The following XRCC5 variants were observed in gnomAD, a reference collection of about 807,000 sequenced individuals.
The protein encoded by XRCC5 is DNA repair protein Ku80.
A neutral mutation model predicts 95.7 loss-of-function variants in XRCC5; 12 were observed. That is an observed-to-expected ratio of 0.13 (90% CI 0.08 to 0.20). The LOEUF is 0.20. Ranked by LOEUF, XRCC5 falls within the 10% of genes least tolerant of loss-of-function variation. XRCC5 has a pLI of 1.00. For missense variants in XRCC5, 595 were observed against 873.9 expected, an observed-to-expected ratio of 0.68 and a Z score of 4.02; for synonymous variants, 281 against 290.3, an observed-to-expected ratio of 0.97 and a Z score of 0.33.
chr2:216,120,671 G>A (rs985789170), intron 5 of XRCC5, among the ~76,000 whole-genome samples: 4 of 151,994 alleles, frequency 2.6e-5, no homozygotes, highest in Admixed American at 6.6e-5. Context: ...ACCTCCTACC[G>A]GAGCCTTCTG....
intron 6 of XRCC5, among the ~76,000 whole-genome samples, chr2:216,123,144 CAA>C (rs1696840285): frequency 6.6e-6 from 1 of 152,162 alleles, no homozygotes; most frequent in African/African-American, 2.4e-5. Flanking sequence ...AGTCTGTACA[CAA>C]AATACTGGCT....
intron 16 of XRCC5, among the ~76,000 whole-genome samples, chr2:216,173,761 A>C (rs577187720): frequency 6.6e-6 from 1 of 152,188 alleles, no homozygotes; most frequent in Non-Finnish European, 1.5e-5. Context: ...GGTTAGTTAT[A>C]AAAAGGATGA....
intron 14 of XRCC5, among the ~76,000 whole-genome samples, chr2:216,155,033 C>T (rs918552439): frequency 1.3e-5 from 2 of 151,416 alleles, no homozygotes; most frequent in African/African-American, 2.4e-5. Flanking sequence ...ATATAAAAGC[C>T]TGGGCAACAT....
At chr2:216,191,718 A>AT (rs1412274741) in intron 17 of XRCC5, among the ~76,000 whole-genome samples, 1 of 152,134 alleles carries the variant, frequency 6.6e-6, no homozygotes, top group Non-Finnish European at 1.5e-5. Flanking sequence ...GCCAAGGGAT[A>AT]TTTTTTGAAC....
At chr2:216,153,741 A>G (rs991316777) in intron 14 of XRCC5, among the ~76,000 whole-genome samples, 2 of 152,226 alleles carry the variant, frequency 1.3e-5, no homozygotes, top group Non-Finnish European at 2.9e-5. Context: ...CTGACTCCAG[A>G]GCTTGTACTT....
At chr2:216,154,964 T>TA (rs964591009) in intron 14 of XRCC5, among the ~76,000 whole-genome samples, 5 of 151,338 alleles carry the variant, frequency 3.3e-5, no homozygotes, top group Non-Finnish European at 4.4e-5. Context: ...ATGAACTTAT[T>TA]AAAAAAAACC....
chr2:216,141,775 A>G (rs955564448), intron 13 of XRCC5, among the ~76,000 whole-genome samples: 1 of 151,962 alleles, frequency 6.6e-6, no homozygotes, highest in Admixed American at 6.6e-5. Context: ...AGTCTTGGCC[A>G]CGTGCGGTGG....
chr2:216,172,948 A>G (rs1489233446), intron 16 of XRCC5, among the ~76,000 whole-genome samples: 1 of 152,182 alleles, frequency 6.6e-6, no homozygotes, highest in Non-Finnish European at 1.5e-5. Flanking sequence ...TTAGTGTACA[A>G]GCTATACAGC....
At chr2:216,154,824 A>G (rs1264424572) in intron 14 of XRCC5, among the ~76,000 whole-genome samples, 3 of 152,200 alleles carry the variant, frequency 2.0e-5, no homozygotes, top group Non-Finnish European at 2.9e-5. Flanking sequence ...ATGGCCTCCC[A>G]TTATCCCCAG....
At chr2:216,193,599 A>G (rs1689659545) in intron 18 of XRCC5, among the ~76,000 whole-genome samples, 1 of 152,184 alleles carries the variant, frequency 6.6e-6, no homozygotes, top group African/African-American at 2.4e-5. Flanking sequence ...AACAAAAGGA[A>G]TTGGAATGGG....
intron 2 of XRCC5, 122 bp from the exon 3 acceptor site, chr2:216,116,537 A>G (rs1696700710): frequency 2.9e-6 from 3 of 1,043,066 alleles, no homozygotes; most frequent in Non-Finnish European, 4.4e-6. Context: ...CCCGCCCAAT[A>G]CTATATGGCC....
At chr2:216,136,487 A>G (rs1473385641) in intron 10 of XRCC5, among the ~76,000 whole-genome samples, 1 of 152,164 alleles carries the variant, frequency 6.6e-6, no homozygotes, top group Non-Finnish European at 1.5e-5. Flanking sequence ...AGAATTTACA[A>G]ATTGGTGGAG....
At chr2:216,137,003 G>A in intron 10 of XRCC5, 85 bp from the exon 11 acceptor site, 1 of 1,448,070 alleles carries the variant, frequency 6.9e-7, no homozygotes, top group Non-Finnish European at 9.2e-7. Flanking sequence ...TAGAAAGAAA[G>A]TGATAACAGT....
chr2:216,148,403 T>G, intron 14 of XRCC5, 127 bp downstream of exon 14: 2 of 789,138 alleles, frequency 2.5e-6, no homozygotes, highest in South Asian at 2.1e-5. Flanking sequence ...AGCCTTTTGC[T>G]ATTTGGCCCT....
At chr2:216,130,424 A>C (rs1206440593) in intron 8 of XRCC5, among the ~76,000 whole-genome samples, 1 of 152,072 alleles carries the variant, frequency 6.6e-6, no homozygotes, top group African/African-American at 2.4e-5. Flanking sequence ...TATCTCCAGC[A>C]TACGTTTTTG....
intron 6 of XRCC5, among the ~76,000 whole-genome samples, chr2:216,125,414 C>T (rs1466753415): frequency 2.0e-5 from 3 of 152,100 alleles, no homozygotes; most frequent in African/African-American, 7.2e-5. Context: ...TCAGGCTGAT[C>T]TTGAGCTCCC....
intron 16 of XRCC5, among the ~76,000 whole-genome samples, chr2:216,166,203 C>T (rs1387426614): frequency 1.3e-5 from 2 of 152,156 alleles, no homozygotes; most frequent in South Asian, 2.1e-4. Flanking sequence ...TCACTGCAGC[C>T]TCTACCTCCT....
intron 16 of XRCC5, among the ~76,000 whole-genome samples, chr2:216,187,971 CT>C (rs1689538899): frequency 6.6e-6 from 1 of 151,744 alleles, no homozygotes; most frequent in South Asian, 2.1e-4. Flanking sequence ...TTCTTCTACA[CT>C]TTCTAAGGAG....
intron 15 of XRCC5, among the ~76,000 whole-genome samples, chr2:216,160,781 G>A (rs2106027050): frequency 6.6e-6 from 1 of 152,198 alleles, no homozygotes; most frequent in East Asian, 1.9e-4. Context: ...GTACAGTAGT[G>A]TGATTTTAGC....
Sources: allele counts gnomAD v4.1 joint callset (sites outside exome capture counted in the v4.1 genomes callset), GRCh38; gene constraint gnomAD v4.1.1; transcripts MANE v1.5; gene names NCBI Gene and HGNC (gene_info 2026-07-23, HGNC 2026-07-21).